The following CD37 variants were observed in gnomAD, a reference collection of about 807,000 sequenced individuals.
CD37 encodes CD37 molecule.
Under a neutral mutation model 38.9 loss-of-function variants are expected in CD37, and 37 were observed. The ratio of observed to expected loss-of-function variants is 0.95; its 90% CI spans 0.73 to 1.25. The LOEUF is 1.25. CD37 is among the 50% of genes most tolerant of loss of function. The pLI is 0.00. For synonymous variants in CD37, 146 were observed against 150.1 expected, an observed-to-expected ratio of 0.97 and a Z score of 0.20; for missense variants, 351 against 360.1, an observed-to-expected ratio of 0.97 and a Z score of 0.20.
At position 49,335,887 on chromosome 19, in the gene CD37, C is replaced by A; in HGVS notation, c.142+101C>A. On this transcript the variant is annotated intron_variant, in intron 2 of 7. Transcript: ENST00000323906. The surrounding 1 kb of genome is among the most constrained non-coding windows in gnomAD (Gnocchi z 4.6). ...GACCTACGGTGCCCTACTCTGCAGG[C>A]AGGCTACAGGCTCCCATCCACTGCT... The A allele has an allele frequency of 1.1e-6, 1 of 914,602 alleles. No homozygotes were observed. The highest frequency in any genetic ancestry group is 1.8e-6 in the Non-Finnish European group (1 of 565,234). The allele number at this position is 914,602 out of a possible 1,614,324, so 56.7% of individuals were successfully genotyped here.
chr19:49,337,342 A>C, intron 4 of CD37, 121 bp downstream of exon 4: 1 of 982,262 alleles, frequency 1.0e-6, no homozygotes, highest in Non-Finnish European at 1.6e-6. Flanking sequence ...ATAAAGAGAA[A>C]TAAGAGGCTG....
In CD37 at chr19:49,338,297, C is replaced by A; in HGVS notation, c.447+268C>A. ...CGCCCCGACCAGAGGTTGTCAGGCC[C>A]CTAGTCCCAAGACCCTAGCGAGACA... is the stretch of plus-strand genomic sequence containing the variant. On this transcript the variant is annotated intron_variant, in intron 5 of 7. Transcript: ENST00000323906. The surrounding 1 kb of genome is among the most constrained non-coding windows in gnomAD (Gnocchi z 5.0). 1.0e-6 allele frequency: 1 copy of A among 958,254 alleles called. No homozygotes were observed. The highest frequency in any genetic ancestry group is 1.5e-6 in the Non-Finnish European group (1 of 676,092). 59.4% of individuals were successfully genotyped at this position (958,254 alleles called of 1,614,324 possible). A position where few individuals can be genotyped will look rare whatever the true frequency, so the allele number is the denominator to read the frequency against.
At position 49,338,145 on chromosome 19, in the gene CD37, A is replaced by C; in HGVS notation, c.447+116A>C. The C allele has an allele frequency of 6.8e-7, 1 of 1,475,024 alleles. No homozygotes were observed. The allele number at this position is 1,475,024 out of a possible 1,614,324, so 91.4% of individuals were successfully genotyped here. A position where few individuals can be genotyped will look rare whatever the true frequency, so the allele number is the denominator to read the frequency against. Reference sequence around the variant, plus strand: ...AGCTCTACGATCCTAACACACCCCAATCCCTCCCAGGCCCGACGCTCCCCA... The same window carrying C: ...AGCTCTACGATCCTAACACACCCCACTCCCTCCCAGGCCCGACGCTCCCCA... On this transcript the variant is annotated intron_variant, in intron 5 of 7. Transcript: ENST00000323906. The surrounding 1 kb of genome is among the most constrained non-coding windows in gnomAD (Gnocchi z 5.0).
Position 49,338,134 on chromosome 19 carries a change from AAC to A in CD37, c.447+110_447+111del. On this transcript the variant is annotated intron_variant, in intron 5 of 7. Coordinates refer to ENST00000323906, the MANE Select transcript of CD37 (RefSeq NM_001774.3). The surrounding 1 kb of genome is among the most constrained non-coding windows in gnomAD (Gnocchi z 5.0). The stretch of plus-strand genomic sequence containing the variant: ...GCCCGACCCCCAGCTCTACGATCCT[AAC>A]ACACCCCAATCCCTCCCAGGCCCGA... 6.7e-7 allele frequency: 1 copy of A among 1,499,990 alleles called. No homozygotes were observed. The highest frequency in any genetic ancestry group is 8.9e-7 in the Non-Finnish European group (1 of 1,123,716). The allele number at this position is 1,499,990 out of a possible 1,614,324, so 92.9% of individuals were successfully genotyped here.
rs201920299 is a variant in CD37, at chr19:49,340,337, C to G, written c.*9C>G. 1,554 of 1,598,952 alleles carry G rather than the reference C, an allele frequency of 9.7e-4. 12 individuals are homozygous for G. The African/African-American group carries it at 0.018, about 18-fold the overall frequency. Reference sequence around the variant, plus strand: ...TCGCTCGATACCGTTAGGCCCCGCCCTCCCCAAAGTCCCGCCCCGCCCCCG... The same window carrying G: ...TCGCTCGATACCGTTAGGCCCCGCCGTCCCCAAAGTCCCGCCCCGCCCCCG... On this transcript the variant is annotated 3_prime_UTR_variant, in exon 8 of 8. Transcript: ENST00000323906.
Position 49,339,847 on chromosome 19 carries a change from G to C in CD37, c.769-404G>C. On this transcript the variant is annotated intron_variant, in intron 7 of 7. Coordinates refer to ENST00000323906, the MANE Select transcript of CD37 (RefSeq NM_001774.3). This position sits in a 1 kb window ranked among gnomAD's most constrained non-coding sequence, Gnocchi z 4.5. ...TGCCTGCCCCAACTGGGGAGACAAG[G>C]CACCGCAGGGCAAGCTGCCCATGGC... The C allele has an allele frequency of 7.5e-7, 1 of 1,332,836 alleles. No individual in the cohort carries two copies. The highest frequency in any genetic ancestry group is 1.5e-5 in the African/African-American group (1 of 67,712). 82.6% of individuals were successfully genotyped at this position (1,332,836 alleles called of 1,614,324 possible). A position where few individuals can be genotyped will look rare whatever the true frequency, so the allele number is the denominator to read the frequency against.
At position 49,335,834 on chromosome 19, in the gene CD37, C is replaced by T; in HGVS notation, c.142+48C>T. ...GGAGGGCCTCCCCCAACCCAAGCAA[C>T]TTCCTGGGGTCTCCCTTGTCTCAGG... On this transcript the variant is annotated intron_variant, in intron 2 of 7. Coordinates refer to ENST00000323906, the MANE Select transcript of CD37 (RefSeq NM_001774.3). This position sits in a 1 kb window ranked among gnomAD's most constrained non-coding sequence, Gnocchi z 4.6. 6.8e-7 allele frequency: 1 copy of T among 1,473,734 alleles called. No individual in the cohort carries two copies. Among genetic ancestry groups the T allele is most frequent in the Non-Finnish European group, 9.5e-7 (1 of 1,055,076 alleles). 91.3% of individuals were successfully genotyped at this position (1,473,734 alleles called of 1,614,324 possible). A position where few individuals can be genotyped will look rare whatever the true frequency, so the allele number is the denominator to read the frequency against.
In CD37 at chr19:49,338,109, G is replaced by A; in HGVS notation, c.447+80G>A. 1 of 1,549,970 alleles carries A rather than the reference G, an allele frequency of 6.5e-7. No homozygotes were observed. The highest frequency in any genetic ancestry group is 8.7e-7 in the Non-Finnish European group (1 of 1,147,422). On this transcript the variant is annotated intron_variant, in intron 5 of 7. Transcript: ENST00000323906. This position sits in a 1 kb window ranked among gnomAD's most constrained non-coding sequence, Gnocchi z 5.0. ...TGGAGGAGACTCCACCCCAACGTGGGCCCGACCCCCAGCTCTACGATCCTA... is the reference window on the plus strand; with the variant it reads ...TGGAGGAGACTCCACCCCAACGTGGACCCGACCCCCAGCTCTACGATCCTA...
Position 49,338,025 on chromosome 19 carries a change from TC to T in CD37, c.445del (p.Gln149SerfsTer19). On this transcript the variant is annotated frameshift_variant, in exon 5 of 8. Coordinates refer to ENST00000323906, the MANE Select transcript of CD37 (RefSeq NM_001774.3). LOFTEE classifies it high-confidence loss of function. This position sits in a 1 kb window ranked among gnomAD's most constrained non-coding sequence, Gnocchi z 5.0. ...AAEESWDYVQFQLRCCGWHYP... is the reference protein window; with the variant it reads ...AAEESWDYVQXQLRCCGWHYP... The stretch of plus-strand genomic sequence containing the variant: ...GAGGAGAGCTGGGACTATGTGCAGT[TC>T]CAGGTAAGCCCCCCTCCTCCAGTTC... The T allele has an allele frequency of 6.2e-7, 1 of 1,613,762 alleles. No homozygotes were observed. Among genetic ancestry groups the T allele is most frequent in the Non-Finnish European group, 8.5e-7 (1 of 1,179,914 alleles).
At position 49,335,484 on chromosome 19, in the gene CD37, C is replaced by G. The variant is rs1970916108; in HGVS notation, c.-57C>G. ...AGCCTCTTTCTTTCTCCCTGTCTCCCCCACTGTCAGCACCTCTTCTGTGTG... is the reference window on the plus strand; with the variant it reads ...AGCCTCTTTCTTTCTCCCTGTCTCCGCCACTGTCAGCACCTCTTCTGTGTG... On this transcript the variant is annotated 5_prime_UTR_variant, in exon 1 of 8. Transcript: ENST00000323906. The surrounding 1 kb of genome is among the most constrained non-coding windows in gnomAD (Gnocchi z 4.6). 3.3e-6 allele frequency: 4 copies of G among 1,207,924 alleles called. No individual in the cohort carries two copies. The highest frequency in any genetic ancestry group is 1.5e-5 in the African/African-American group (1 of 67,112). 74.8% of individuals were successfully genotyped at this position (1,207,924 alleles called of 1,614,324 possible).
rs2146203404 is a variant in CD37, at chr19:49,335,455, T to C, written c.-86T>C. On this transcript the variant is annotated 5_prime_UTR_variant, in exon 1 of 8. Coordinates refer to ENST00000323906, the MANE Select transcript of CD37 (RefSeq NM_001774.3). This position sits in a 1 kb window ranked among gnomAD's most constrained non-coding sequence, Gnocchi z 4.6. Reference sequence around the variant, plus strand: ...TCTCAGCTCTCCGTCTCTCTTTCTCTCTCAGCCTCTTTCTTTCTCCCTGTC... The same window carrying C: ...TCTCAGCTCTCCGTCTCTCTTTCTCCCTCAGCCTCTTTCTTTCTCCCTGTC... 3 of 974,892 alleles carry C rather than the reference T, an allele frequency of 3.1e-6. No homozygotes were observed. Among genetic ancestry groups the C allele is most frequent in the South Asian group, 1.3e-5 (1 of 75,680 alleles). The allele number at this position is 974,892 out of a possible 1,614,324, so 60.4% of individuals were successfully genotyped here. A position where few individuals can be genotyped will look rare whatever the true frequency, so the allele number is the denominator to read the frequency against.
In CD37 at chr19:49,338,998, C is replaced by A. The variant is rs752840468; in HGVS notation, c.684+62C>A. ...GGCGGGGCCTGCGGGAGGGGGAGGG[C>A]TGTCAGTGAGTAGCGGCCTGAGAAA... On this transcript the variant is annotated intron_variant, in intron 6 of 7. Transcript: ENST00000323906. This position sits in a 1 kb window ranked among gnomAD's most constrained non-coding sequence, Gnocchi z 5.0. The A allele has an allele frequency of 1.1e-5, 15 of 1,305,506 alleles. No individual in the cohort carries two copies. Among genetic ancestry groups the A allele is most frequent in the Non-Finnish European group, 1.6e-5 (15 of 911,480 alleles). The allele number at this position is 1,305,506 out of a possible 1,614,324, so 80.9% of individuals were successfully genotyped here. A position where few individuals can be genotyped will look rare whatever the true frequency, so the allele number is the denominator to read the frequency against.
In CD37 at chr19:49,338,936, G is replaced by A; in HGVS notation, c.684G>A (p.Glu228=). 1.2e-6 allele frequency: 2 copies of A among 1,610,260 alleles called. No individual in the cohort carries two copies. The highest frequency in any genetic ancestry group is 1.7e-6 in the Non-Finnish European group (2 of 1,176,864). The change falls in exon 6 of 8, where the codon GAG becomes GAA. Residue 228 remains glutamate, a splice_region_variant and synonymous_variant. Transcript: ENST00000323906. The surrounding 1 kb of genome is among the most constrained non-coding windows in gnomAD (Gnocchi z 5.0). ...CTGCAGAGAGCCACATCTACCGCGAGGTGGGCAGGGGTTCGGAGCATAAAC... is the reference window on the plus strand; with the variant it reads ...CTGCAGAGAGCCACATCTACCGCGAAGTGGGCAGGGGTTCGGAGCATAAAC... The part of the protein sequence containing the change: ...AVPAESHIYR[E]GCAQGLQKWL...
In CD37 at chr19:49,335,497, C is replaced by A. The variant is rs1568547774; in HGVS notation, c.-44C>A. Reference sequence around the variant, plus strand: ...CTCCCTGTCTCCCCCACTGTCAGCACCTCTTCTGTGTGGTGAGTGGACCGC... The same window carrying A: ...CTCCCTGTCTCCCCCACTGTCAGCAACTCTTCTGTGTGGTGAGTGGACCGC... On this transcript the variant is annotated 5_prime_UTR_variant, in exon 1 of 8. Transcript: ENST00000323906. This position sits in a 1 kb window ranked among gnomAD's most constrained non-coding sequence, Gnocchi z 4.6. 2 of 1,400,894 alleles carry A rather than the reference C, an allele frequency of 1.4e-6. No homozygotes were observed. Among genetic ancestry groups the A allele is most frequent in the Non-Finnish European group, 2.0e-6 (2 of 985,852 alleles). 86.8% of individuals were successfully genotyped at this position (1,400,894 alleles called of 1,614,324 possible). A position where few individuals can be genotyped will look rare whatever the true frequency, so the allele number is the denominator to read the frequency against.
rs765604817 is a variant in CD37 at position 49,340,268 on chromosome 19, C to G, written c.786C>G (p.Leu262=). The change falls in exon 8 of 8, where the codon CTC becomes CTG. Residue 262 remains leucine, a synonymous_variant. Coordinates refer to ENST00000323906, the MANE Select transcript of CD37 (RefSeq NM_001774.3). ...VGLLELGFMT[L]SIFLCRNLDH... is the part of the protein sequence containing the mutation. ...CTCTATAGCTCGGGTTCATGACGCTCTCGATATTCCTGTGCAGAAACCTGG... is the reference window on the plus strand; with the variant it reads ...CTCTATAGCTCGGGTTCATGACGCTGTCGATATTCCTGTGCAGAAACCTGG... 8 of 1,613,798 alleles carry G rather than the reference C, an allele frequency of 5.0e-6. No homozygotes were observed. The highest frequency in any genetic ancestry group is 2.2e-5 in the South Asian group (2 of 91,080).
chr19:49,337,009 G>A lies in CD37; in HGVS notation c.243G>A (p.Lys81=), dbSNP rs372181985. The change falls in exon 3 of 8, where the codon AAG becomes AAA. Residue 81 remains lysine (K), a synonymous_variant. Transcript: ENST00000323906. ...TCCTGGGTTGTGTGGGGGCCCTCAA[G>A]GAGCTCCGCTGCCTCCTGGGCCTGG... ...IALLGCVGAL[K]ELRCLLGLYF... 7.9e-5 allele frequency: 128 copies of A among 1,613,476 alleles called. No homozygotes were observed. Among genetic ancestry groups the A allele is most frequent in the Non-Finnish European group, 1.0e-4 (118 of 1,179,664 alleles).
chr19:49,337,885 G>A (rs1318949576), intron 4 of CD37, 40 bp from the exon 5 acceptor site: 7 of 1,612,008 alleles, frequency 4.3e-6, no homozygotes, highest in East Asian at 2.2e-5. Flanking sequence ...GAGGGGTGGG[G>A]CGGGGAAGAT....
chr19:49,339,225 G>A lies in CD37; in HGVS notation c.685-105G>A. 2.0e-6 allele frequency: 2 copies of A among 986,130 alleles called. No homozygotes were observed. Among genetic ancestry groups the A allele is most frequent in the South Asian group, 1.4e-5 (1 of 69,352 alleles). 61.1% of individuals were successfully genotyped at this position (986,130 alleles called of 1,614,324 possible). ...CTAGAGTGCCCTGGTGACTAGGGGA[G>A]CGGGTAGATGCCTGAAGACGGTGAG... is the stretch of plus-strand genomic sequence containing the variant. On this transcript the variant is annotated intron_variant, in intron 6 of 7. Transcript: ENST00000323906. This position sits in a 1 kb window ranked among gnomAD's most constrained non-coding sequence, Gnocchi z 4.5.
Position 49,339,314 on chromosome 19 carries a change from T to G in CD37, c.685-16T>G, listed in dbSNP as rs373745285. On this transcript the variant is annotated splice_polypyrimidine_tract_variant and intron_variant, in intron 6 of 7. Coordinates refer to ENST00000323906, the MANE Select transcript of CD37 (RefSeq NM_001774.3). This position sits in a 1 kb window ranked among gnomAD's most constrained non-coding sequence, Gnocchi z 4.5. ...TCCCAGAAAGAATCCCTTTAACTTT[T>G]CCCTACACCCCCCAGGGCTGCGCGC... 380 of 1,611,062 alleles carry G rather than the reference T, an allele frequency of 2.4e-4. No homozygotes were observed. Among genetic ancestry groups the G allele is most frequent in the Non-Finnish European group, 2.9e-4 (347 of 1,177,848 alleles).
Sources: allele counts gnomAD v4.1 joint callset, GRCh38; gene constraint gnomAD v4.1.1; non-coding constraint Gnocchi (gnomAD v3.1); transcripts MANE v1.5; gene names NCBI Gene and HGNC (gene_info 2026-07-23, HGNC 2026-07-21).